SCN1B: variants seen among roughly 807,000 people sequenced by gnomAD.
SCN1B encodes the protein sodium channel regulatory subunit beta-1.
SCN1B carries 11 observed loss-of-function variants against 25.7 expected under a neutral mutation model. That is an observed-to-expected ratio of 0.43 (90% CI 0.27 to 0.71). The LOEUF (loss-of-function observed/expected upper bound fraction) is 0.71. Among genes scored for constraint, SCN1B ranks in the 30% least tolerant of loss-of-function variants. The pLI is 0.21. For synonymous variants in SCN1B, 119 were observed against 117.5 expected (o/e 1.01, Z -0.08); for missense variants, 224 against 291.5 (o/e 0.77, Z 1.69).
chr19:35,034,126 G>T (rs1247167019), intron 3 of SCN1B: 1 of 1,551,316 alleles, frequency 6.4e-7, no homozygotes, highest in African/African-American at 1.4e-5. Flanking sequence ...GGGTTCATGA[G>T]GATTGAGCAG....
In SCN1B at chr19:35,032,468, G is replaced by T; in HGVS notation, c.41-60G>T. On this transcript the variant is annotated intron_variant, in intron 1 of 5. Coordinates refer to ENST00000262631, the MANE Select transcript of SCN1B (RefSeq NM_001037.5). The surrounding 1 kb of genome is among the most constrained non-coding windows in gnomAD (Gnocchi z 4.3). ...GGGGGGAACAGATGGTTTGTGAGGG[G>T]TCTGGCATTGCTTAGGGCAATGGGT... 1.3e-6 allele frequency: 2 copies of T among 1,594,144 alleles called. No homozygotes were observed. The highest frequency in any genetic ancestry group is 2.7e-5 in the African/African-American group (2 of 74,766).
chr19:35,031,167 C>A, intron 1 of SCN1B: 1 of 151,152 alleles, frequency 6.6e-6, no homozygotes, highest in Non-Finnish European at 1.4e-5. Context: ...ATGTGACACC[C>A]ACAGCCGCGG....
chr19:35,034,196 C>T (rs1451431703), intron 3 of SCN1B: 2 of 1,534,788 alleles, frequency 1.3e-6, no homozygotes, highest in Non-Finnish European at 8.8e-7. Context: ...GGTGGCGGTT[C>T]TTACTGTTCG....
intron 3 of SCN1B, chr19:35,034,689 C>T (rs971643120): frequency 4.4e-5 from 7 of 158,462 alleles, no homozygotes; most frequent in Non-Finnish European, 8.4e-5. Flanking sequence ...AGATGGGTGC[C>T]GGCCTCAGTG....
At chr19:35,033,890 C>G in intron 3 of SCN1B, 151 bp downstream of exon 3, 1 of 1,594,888 alleles carries the variant, frequency 6.3e-7, no homozygotes, top group South Asian at 1.1e-5. Flanking sequence ...AGCAGCCCCT[C>G]CTGCCCACTC....
chr19:35,034,853 G>T (rs1302786484), intron 3 of SCN1B: 1 of 152,278 alleles, frequency 6.6e-6, no homozygotes, highest in African/African-American at 2.4e-5. Context: ...ATCCAGAGGA[G>T]CTTGGGTGAC....
chr19:35,040,155 G>T lies in SCN1B; in HGVS notation c.*364G>T. 1 of 181,228 alleles carries T rather than the reference G, an allele frequency of 5.5e-6. No homozygotes were observed. 11.2% of individuals were successfully genotyped at this position (181,228 alleles called of 1,614,324 possible). ...GCCGCTTCAGACACGCACTTCTGGG[G>T]CCAGCCCCTCCCCGCCTCCTCCCTG... is the stretch of plus-strand genomic sequence containing the variant. On this transcript the variant is annotated 3_prime_UTR_variant, in exon 6 of 6. Coordinates refer to ENST00000262631, the MANE Select transcript of SCN1B (RefSeq NM_001037.5).
At chr19:35,034,088 G>GT in intron 3 of SCN1B, 1 of 1,551,716 alleles carries the variant, frequency 6.4e-7, no homozygotes, top group Admixed American at 2.0e-5. Flanking sequence ...GTTTCTCGGG[G>GT]TGTGGTTTGA....
chr19:35,039,013 C>T (rs1371678714), intron 3 of SCN1B, 104 bp from the exon 4 acceptor site: 3 of 1,346,194 alleles, frequency 2.2e-6, no homozygotes, highest in African/African-American at 2.9e-5. Context: ...ACACCAGGCC[C>T]AGGGAGGTTG....
In SCN1B at chr19:35,033,758, G is replaced by A. The variant is rs944392947; in HGVS notation, c.448+19G>A. The A allele has an allele frequency of 6.2e-7, 1 of 1,613,854 alleles. No homozygotes were observed. Among genetic ancestry groups the A allele is most frequent in the African/African-American group, 1.3e-5 (1 of 74,902 alleles). On this transcript the variant is annotated intron_variant, in intron 3 of 5. Coordinates refer to ENST00000262631, the MANE Select transcript of SCN1B (RefSeq NM_001037.5). ...GACAAAGGTGAGTCGGGTGCTGCCT[G>A]CCCCTTTACCGTCACCCACCGGAGA... is the stretch of plus-strand genomic sequence containing the variant.
chr19:35,034,156 T>G (rs1230764104), intron 3 of SCN1B: 6 of 1,550,106 alleles, frequency 3.9e-6, no homozygotes. Context: ...CACGCCTGGC[T>G]TCCAGCAGAG....
Position 35,030,800 on chromosome 19 carries a change from C to G in SCN1B, c.-21C>G. 9.7e-7 allele frequency: 1 copy of G among 1,035,738 alleles called. No homozygotes were observed. Among genetic ancestry groups the G allele is most frequent in the South Asian group, 2.1e-5 (1 of 48,244 alleles). The allele number at this position is 1,035,738 out of a possible 1,614,324, so 64.2% of individuals were successfully genotyped here. On this transcript the variant is annotated 5_prime_UTR_variant, in exon 1 of 6. Coordinates refer to ENST00000262631, the MANE Select transcript of SCN1B (RefSeq NM_001037.5). ...TAATACCGGCGGCCCGGGAGGGGGGCGCAGCACGCGCCGCGCAGCCATGGG... is the reference window on the plus strand; with the variant it reads ...TAATACCGGCGGCCCGGGAGGGGGGGGCAGCACGCGCCGCGCAGCCATGGG...
chr19:35,032,230 C>T lies in SCN1B; in HGVS notation c.41-298C>T, dbSNP rs1390366165. Among the ~76,000 whole-genome samples the T allele has an allele frequency of 1.3e-5, 2 of 152,292 alleles. No individual in the cohort carries two copies. The highest frequency in any genetic ancestry group is 3.4e-3 in the Middle Eastern group (1 of 294). Reference sequence around the variant, plus strand: ...TCGGGTAGCATAAAGTCTGAGTTACCGGCAACGTTGACAGTCCCACTTATG... The same window carrying T: ...TCGGGTAGCATAAAGTCTGAGTTACTGGCAACGTTGACAGTCCCACTTATG... On this transcript the variant is annotated intron_variant, in intron 1 of 5. Transcript: ENST00000262631. The surrounding 1 kb of genome is among the most constrained non-coding windows in gnomAD (Gnocchi z 4.3).
rs72550248 is a variant in SCN1B, at chr19:35,030,501, C to T, written c.-320C>T. ...CAGGAGACCGCGGTCCGCGCCCGAGCGCGCCCGAGCCGGAGCGGGACCGGG... is the reference window on the plus strand; with the variant it reads ...CAGGAGACCGCGGTCCGCGCCCGAGTGCGCCCGAGCCGGAGCGGGACCGGG... On this transcript the variant is annotated 5_prime_UTR_variant, in exon 1 of 6. Coordinates refer to ENST00000262631, the MANE Select transcript of SCN1B (RefSeq NM_001037.5). 881 of 167,112 alleles carry T rather than the reference C, an allele frequency of 5.3e-3. 6 individuals are homozygous for T. Among genetic ancestry groups the T allele is most frequent in the African/African-American group, 0.02 (836 of 41,510 alleles). 10.4% of individuals were successfully genotyped at this position (167,112 alleles called of 1,614,324 possible). A position where few individuals can be genotyped will look rare whatever the true frequency, so the allele number is the denominator to read the frequency against.
At position 35,032,379 on chromosome 19, in the gene SCN1B, G is replaced by A. The variant is rs1303678709; in HGVS notation, c.41-149G>A. 5.0e-6 allele frequency: 4 copies of A among 804,334 alleles called. No individual in the cohort carries two copies. The Admixed American group carries it at 8.8e-5, about 18-fold the overall frequency. The allele number at this position is 804,334 out of a possible 1,614,324, so 49.8% of individuals were successfully genotyped here. A position where few individuals can be genotyped will look rare whatever the true frequency, so the allele number is the denominator to read the frequency against. ...GAGACTCAGGGATGAATGACTTGCT[G>A]AGGTCACGCAGTGAGTGACAGGGCT... is the stretch of plus-strand genomic sequence containing the variant. On this transcript the variant is annotated intron_variant, in intron 1 of 5. Transcript: ENST00000262631. The surrounding 1 kb of genome is among the most constrained non-coding windows in gnomAD (Gnocchi z 4.3).
chr19:35,031,902 G>A (rs557650632), intron 1 of SCN1B: 21 of 160,994 alleles, frequency 1.3e-4, no homozygotes, highest in African/African-American at 4.8e-4. Context: ...CTCTAGAGGC[G>A]AGGAGCCTGG....
Position 35,032,812 on chromosome 19 carries a change from G to C in SCN1B, c.207+118G>C. On this transcript the variant is annotated intron_variant, in intron 2 of 5. Transcript: ENST00000262631. This position sits in a 1 kb window ranked among gnomAD's most constrained non-coding sequence, Gnocchi z 4.3. The stretch of plus-strand genomic sequence containing the variant: ...ATAATATGCTGTGATTGCTGACCTG[G>C]ATTCAGATTCTGGCTCCACCAGTGG... 1 of 1,249,048 alleles carries C rather than the reference G, an allele frequency of 8.0e-7. No individual in the cohort carries two copies. The highest frequency in any genetic ancestry group is 1.3e-5 in the South Asian group (1 of 78,434). 77.4% of individuals were successfully genotyped at this position (1,249,048 alleles called of 1,614,324 possible). A position where few individuals can be genotyped will look rare whatever the true frequency, so the allele number is the denominator to read the frequency against.
At chr19:35,038,835 A>T (rs954080695) in intron 3 of SCN1B, 6 of 486,292 alleles carry the variant, frequency 1.2e-5, no homozygotes, top group Non-Finnish European at 2.3e-5. Context: ...CCAGTGGCAG[A>T]GCCAGCCTTT....
chr19:35,035,671 T>C (rs1385238560), intron 3 of SCN1B: 1 of 152,154 alleles, frequency 6.6e-6, no homozygotes, highest in Non-Finnish European at 1.5e-5. Context: ...TTTACCATCA[T>C]ATGCAGTTCC....
Sources: gnomAD v4.1 joint callset for allele counts (sites outside exome capture counted in the v4.1 genomes callset) on GRCh38, gnomAD v4.1.1 for gene constraint, Gnocchi (gnomAD v3.1) non-coding constraint, MANE v1.5 for transcripts, NCBI Gene and HGNC (gene_info 2026-07-23, HGNC 2026-07-21) for gene names.